Variants in ANAPC1 observed in about 807,000 individuals in gnomAD.
ANAPC1 encodes the protein anaphase-promoting complex subunit 1.
In ANAPC1, 36 loss-of-function variants were observed where a neutral mutation model predicts 208.0. That is an observed-to-expected ratio of 0.17 (90% CI 0.13 to 0.23). ANAPC1 has a LOEUF of 0.23. Ranked by LOEUF, ANAPC1 falls within the 10% of genes least tolerant of loss-of-function variation. The pLI, the probability that ANAPC1 is intolerant of heterozygous loss-of-function variation, is 1.00. For missense variants in ANAPC1, 942 were observed against 2,011.6 expected (o/e 0.47, Z 10.17); for synonymous variants, 378 against 695.2 (o/e 0.54, Z 7.18).
In ANAPC1 at chr2:111,834,532, A is replaced by AT. The variant is rs34142404; in HGVS notation, c.2384+71_2384+72insA. On this transcript the variant is annotated intron_variant, in intron 19 of 47. Coordinates refer to ENST00000341068, the MANE Select transcript of ANAPC1 (RefSeq NM_022662.4). ...CTTATTTACAAGGTCCCTATATGATACAAGGTTCCTATATGGAAAAGACAG... is the reference window on the plus strand; with the variant it reads ...CTTATTTACAAGGTCCCTATATGATATCAAGGTTCCTATATGGAAAAGACAG... 4,089 of 856,086 alleles carry AT rather than the reference A, an allele frequency of 4.8e-3. 21 individuals carry two copies. Among genetic ancestry groups the AT allele is most frequent in the Non-Finnish European group, 6.0e-3 (3,658 of 612,890 alleles). The allele number at this position is 856,086 out of a possible 1,614,324, so 53.0% of individuals were successfully genotyped here.
At chr2:111,823,000 CTTTTTTTTT>C (rs58815496) in intron 24 of ANAPC1, among the ~76,000 whole-genome samples, 1 of 61,312 alleles carries the variant, frequency 1.6e-5, no homozygotes, top group African/African-American at 7.1e-5. Flanking sequence ...TCTTTTTATT[CTTTTTTTTT>C]TTTTTTTTTT....
In ANAPC1 at chr2:111,771,442, A is replaced by T. The variant is rs527482269; in HGVS notation, c.5719+899T>A. On this transcript the variant is annotated intron_variant, in intron 47 of 47. Coordinates refer to ENST00000341068, the MANE Select transcript of ANAPC1 (RefSeq NM_022662.4). ...TCAAGTTCTAGGCTCTTGGGCAATCACAAACCCAACCTCTGGCTCCTCAGC... is the reference window on the plus strand; with the variant it reads ...TCAAGTTCTAGGCTCTTGGGCAATCTCAAACCCAACCTCTGGCTCCTCAGC... 5.9e-5 allele frequency among the ~76,000 whole-genome samples: 9 copies of T among 151,982 alleles called. No homozygotes were observed. The South Asian group carries it at 1.9e-3, about 32-fold the overall frequency.
At chr2:111,791,419 T>C (rs1677868497) in intron 38 of ANAPC1, among the ~76,000 whole-genome samples, 1 of 149,350 alleles carries the variant, frequency 6.7e-6, no homozygotes, top group African/African-American at 2.5e-5. Context: ...TATGACCCAA[T>C]TCCACACAGT....
chr2:111,807,782 T>C (rs1678768225), intron 29 of ANAPC1, among the ~76,000 whole-genome samples: 1 of 151,346 alleles, frequency 6.6e-6, no homozygotes, highest in Non-Finnish European at 1.5e-5. Context: ...CTATATACAG[T>C]GTGAAAGAGG....
intron 21 of ANAPC1, among the ~76,000 whole-genome samples, chr2:111,828,376 A>G (rs978807464): frequency 4.4e-4 from 67 of 152,248 alleles, no homozygotes; most frequent in African/African-American, 1.4e-3. Flanking sequence ...AAATGAGTTT[A>G]GCAGTTCCTC....
intron 37 of ANAPC1, among the ~76,000 whole-genome samples, chr2:111,793,246 T>C (rs1339940930): frequency 1.6e-5 from 2 of 128,350 alleles, no homozygotes; most frequent in African/African-American, 2.5e-5. Context: ...GTTGTTGTTG[T>C]TTTTTTTGGA....
At chr2:111,825,628 T>C in intron 22 of ANAPC1, 149 bp downstream of exon 22, 1 of 705,354 alleles carries the variant, frequency 1.4e-6, no homozygotes, top group Non-Finnish European at 2.3e-6. Flanking sequence ...GAAAATTAGT[T>C]GTGGACAAAA....
At chr2:111,783,169 T>G (rs1275880310) in intron 42 of ANAPC1, among the ~76,000 whole-genome samples, 3 of 152,170 alleles carry the variant, frequency 2.0e-5, no homozygotes, top group Non-Finnish European at 4.4e-5. Context: ...CAACAAAAGA[T>G]GTGGTCTGAT....
chr2:111,782,015 T>C (rs1486592899), intron 43 of ANAPC1, among the ~76,000 whole-genome samples: 6 of 152,220 alleles, frequency 3.9e-5, no homozygotes, highest in Non-Finnish European at 7.4e-5. Flanking sequence ...CAAAACTCGT[T>C]TTCTATTTTT....
At chr2:111,879,047 T>C in intron 2 of ANAPC1, 76 bp from the exon 3 acceptor site, 1 of 1,507,616 alleles carries the variant, frequency 6.6e-7, no homozygotes, top group Non-Finnish European at 8.9e-7. Flanking sequence ...AAAATTTATT[T>C]GCCCATGGAG....
intron 6 of ANAPC1, among the ~76,000 whole-genome samples, chr2:111,869,388 C>G (rs1174476206): frequency 6.6e-6 from 1 of 152,074 alleles, no homozygotes; most frequent in Non-Finnish European, 1.5e-5. Flanking sequence ...GGATTACAGG[C>G]ACCTGCCACC....
chr2:111,862,584 G>A lies in ANAPC1; in HGVS notation c.1067C>T (p.Pro356Leu). The A allele has an allele frequency of 6.2e-7, 1 of 1,610,382 alleles. No homozygotes were observed. The highest frequency in any genetic ancestry group is 8.5e-7 in the Non-Finnish European group (1 of 1,178,854). Reference protein sequence around the residue: ...NMAALSRAHSPALGVHSFSGV... With the variant: ...NMAALSRAHSLALGVHSFSGV... ...TGAAAAAGAGTGCACTCCTAACGCAGGAGAATGAGCACGACTGCAAAATAA... is the reference window on the plus strand; with the variant it reads ...TGAAAAAGAGTGCACTCCTAACGCAAGAGAATGAGCACGACTGCAAAATAA... The change falls in exon 10 of 48, where the codon CCT becomes CTT. Residue 356 changes from proline (P) to leucine (L), a missense_variant. Coordinates refer to ENST00000341068, the MANE Select transcript of ANAPC1 (RefSeq NM_022662.4).
Position 111,843,340 on chromosome 2 carries a change from T to C in ANAPC1, c.2040+72A>G, listed in dbSNP as rs554113636. 7.1e-4 allele frequency: 1,066 copies of C among 1,499,706 alleles called. 1 individual carries two copies. Among genetic ancestry groups the C allele is most frequent in the Non-Finnish European group, 9.5e-4 (1,028 of 1,084,424 alleles). 92.9% of individuals were successfully genotyped at this position (1,499,706 alleles called of 1,614,324 possible). ...TGGTACGCCTATTATGTAGTCTCAA[T>C]GTTATATTACCAATTATGCAACCAT... On this transcript the variant is annotated intron_variant, in intron 17 of 47. Coordinates refer to ENST00000341068, the MANE Select transcript of ANAPC1 (RefSeq NM_022662.4).
At chr2:111,799,083 A>C in intron 34 of ANAPC1, among the ~76,000 whole-genome samples, 1 of 152,080 alleles carries the variant, frequency 6.6e-6, no homozygotes, top group African/African-American at 2.4e-5. Flanking sequence ...GAATGCATTA[A>C]AAAAACTCCA....
intron 1 of ANAPC1, among the ~76,000 whole-genome samples, 176 bp downstream of exon 1, chr2:111,883,766 G>A (rs867305705): frequency 1.3e-5 from 2 of 152,194 alleles, no homozygotes; most frequent in Admixed American, 6.5e-5. Context: ...CAGCCCGCAG[G>A]CCAGGAGCGC....
intron 10 of ANAPC1, among the ~76,000 whole-genome samples, chr2:111,858,902 T>C (rs1008185223): frequency 6.6e-6 from 1 of 152,204 alleles, no homozygotes; most frequent in African/African-American, 2.4e-5. Flanking sequence ...TTTCAGTTCT[T>C]TGATTATGAG....
intron 7 of ANAPC1, among the ~76,000 whole-genome samples, chr2:111,867,222 G>A (rs769411825): frequency 4.0e-5 from 6 of 150,454 alleles, no homozygotes; most frequent in East Asian, 2.0e-4. Flanking sequence ...CCCAGGAGGC[G>A]GAGGTTGCAG....
chr2:111,860,870 C>T (rs1199922082), intron 10 of ANAPC1, among the ~76,000 whole-genome samples: 1 of 151,988 alleles, frequency 6.6e-6, no homozygotes, highest in Admixed American at 6.6e-5. Context: ...TGGGAAAAGG[C>T]CTATATACTA....
Position 111,834,746 on chromosome 2 carries a change from T to C in ANAPC1, c.2242A>G (p.Ser748Gly). The C allele has an allele frequency of 1.2e-6, 2 of 1,613,604 alleles. No individual in the cohort carries two copies. The highest frequency in any genetic ancestry group is 1.7e-5 in the Admixed American group (1 of 59,982). Reference sequence around the variant, plus strand: ...AAGAGAAGTGTAGAAGAATCCAGACTGAGATTCTGTGAAAAATCCTCATCC... The same window carrying C: ...AAGAGAAGTGTAGAAGAATCCAGACCGAGATTCTGTGAAAAATCCTCATCC... ...MKDEDFSQNL[S>G]LDSSTLLFTH... The change falls in exon 19 of 48, where the codon AGT becomes GGT. Residue 748 changes from serine to glycine, a missense_variant. Coordinates refer to ENST00000341068, the MANE Select transcript of ANAPC1 (RefSeq NM_022662.4).
Sources: allele counts gnomAD v4.1 joint callset (sites outside exome capture counted in the v4.1 genomes callset), GRCh38; gene constraint gnomAD v4.1.1; transcripts MANE v1.5; gene names NCBI Gene and HGNC (gene_info 2026-07-23, HGNC 2026-07-21).